The following FAM53B variants were observed in gnomAD, a reference collection of about 807,000 sequenced individuals.
The protein encoded by FAM53B is family with sequence similarity 53 member B.
Under a neutral mutation model 32.7 loss-of-function variants are expected in FAM53B, and 12 were observed. The observed-to-expected ratio is 0.37, with a 90% CI of 0.24 to 0.59. The LOEUF (loss-of-function observed/expected upper bound fraction) is 0.59, where lower values mean the gene tolerates loss of function less well. FAM53B is among the 20% of genes least tolerant of loss of function. FAM53B has a pLI of 0.72. For synonymous variants in FAM53B, 234 were observed against 228.7 expected (o/e 1.02, Z -0.21); for missense variants, 477 against 577.7 (o/e 0.83, Z 1.79).
At chr10:124,702,092 C>T (rs1035640181) in intron 2 of FAM53B, among the ~76,000 whole-genome samples, 4 of 152,182 alleles carry the variant, frequency 2.6e-5, no homozygotes, top group African/African-American at 9.7e-5. Flanking sequence ...GACTTTCCCG[C>T]TCTGTGACTA....
intron 1 of FAM53B, among the ~76,000 whole-genome samples, chr10:124,730,372 A>G (rs1352101805): frequency 6.6e-6 from 1 of 152,238 alleles, no homozygotes; most frequent in Non-Finnish European, 1.5e-5. Flanking sequence ...CAGGCTGCAG[A>G]GGGGCATGGT....
intron 1 of FAM53B, chr10:124,742,590 C>G (rs1159246613): frequency 6.6e-6 from 1 of 152,238 alleles, no homozygotes; most frequent in Non-Finnish European, 1.5e-5. Context: ...ATGTTGTAAG[C>G]AGCACAAGAC....
At chr10:124,626,835 T>C (rs576690298) in intron 4 of FAM53B, among the ~76,000 whole-genome samples, 6 of 152,288 alleles carry the variant, frequency 3.9e-5, no homozygotes, top group Admixed American at 1.3e-4. Flanking sequence ...TCCATCCACA[T>C]GGGCATCACG....
chr10:124,638,408 C>T (rs554479498), intron 4 of FAM53B, among the ~76,000 whole-genome samples: 2 of 150,732 alleles, frequency 1.3e-5, no homozygotes, highest in East Asian at 3.9e-4. Flanking sequence ...ACACTGGGAC[C>T]GGTGCTTCCT....
At chr10:124,627,307 G>A (rs568315466) in intron 4 of FAM53B, among the ~76,000 whole-genome samples, 6 of 152,304 alleles carry the variant, frequency 3.9e-5, no homozygotes, top group African/African-American at 1.2e-4. Flanking sequence ...CCGGGGCAAG[G>A]TCCCGCCCCA....
chr10:124,639,138 C>T (rs778792898), intron 4 of FAM53B, among the ~76,000 whole-genome samples: 6 of 152,192 alleles, frequency 3.9e-5, no homozygotes, highest in Non-Finnish European at 7.4e-5. Flanking sequence ...CCCAATGTGA[C>T]ACCTGACAGG....
At chr10:124,736,581 G>A (rs1014264171) in intron 1 of FAM53B, among the ~76,000 whole-genome samples, 3 of 152,290 alleles carry the variant, frequency 2.0e-5, no homozygotes, top group African/African-American at 7.2e-5. Context: ...GCCAATGCCA[G>A]AGCAAGGGGA....
intron 4 of FAM53B, 195 bp from the exon 5 acceptor site, chr10:124,623,799 T>G (rs1430590472): frequency 2.4e-5 from 14 of 583,782 alleles, no homozygotes; most frequent in Non-Finnish European, 3.9e-5. Flanking sequence ...GAGCGCTCTG[T>G]GCTCATAAAG....
chr10:124,660,070 G>A (rs1292133551), intron 4 of FAM53B, among the ~76,000 whole-genome samples: 1 of 152,228 alleles, frequency 6.6e-6, no homozygotes, highest in African/African-American at 2.4e-5. Context: ...GCCTTCCAAC[G>A]TTCTGGGATT....
chr10:124,671,680 T>A (rs1255746924), intron 4 of FAM53B, among the ~76,000 whole-genome samples: 1 of 152,174 alleles, frequency 6.6e-6, no homozygotes. Flanking sequence ...TGGTGACACA[T>A]TACTGATGTG....
At chr10:124,671,201 G>A (rs112074065) in intron 4 of FAM53B, 21 of 454,102 alleles carry the variant, frequency 4.6e-5, no homozygotes, top group African/African-American at 3.4e-4. Context: ...CTTCCCATTT[G>A]CTGCATTTCC....
At chr10:124,661,866 C>T (rs1366547695) in intron 4 of FAM53B, among the ~76,000 whole-genome samples, 2 of 152,238 alleles carry the variant, frequency 1.3e-5, no homozygotes, top group Admixed American at 6.5e-5. Context: ...ATGGCTCTGA[C>T]GGCTGGCCTA....
chr10:124,720,488 A>G (rs1023557962), intron 1 of FAM53B, among the ~76,000 whole-genome samples: 1 of 152,194 alleles, frequency 6.6e-6, no homozygotes, highest in Non-Finnish European at 1.5e-5. Context: ...AAGTCATAAA[A>G]TGTAAAAACA....
At chr10:124,716,614 G>A (rs1950040019) in intron 1 of FAM53B, among the ~76,000 whole-genome samples, 1 of 152,186 alleles carries the variant, frequency 6.6e-6, no homozygotes, top group African/African-American at 2.4e-5. Flanking sequence ...CTTGTCAAGA[G>A]TCCATTTATC....
intron 2 of FAM53B, chr10:124,703,652 A>C (rs1235042476): frequency 6.5e-6 from 1 of 152,708 alleles, no homozygotes; most frequent in Admixed American, 6.5e-5. Flanking sequence ...TCTCATCTGG[A>C]GCCAAGGGGA....
Position 124,682,322 on chromosome 10 carries a change from C to G in FAM53B, c.191G>C (p.Ser64Thr). 1 of 1,613,670 alleles carries G rather than the reference C, an allele frequency of 6.2e-7. No individual in the cohort carries two copies. Among genetic ancestry groups the G allele is most frequent in the Non-Finnish European group, 8.5e-7 (1 of 1,179,904 alleles). ...RKCPLQIDQP[S>T]TSIWECLPEK... Reference sequence around the variant, plus strand: ...AGGCAGGCATTCCCAGATGCTGGTGCTCGGTTGGTCAATCTGAAGAGGGCA... The same window carrying G: ...AGGCAGGCATTCCCAGATGCTGGTGGTCGGTTGGTCAATCTGAAGAGGGCA... The change falls in exon 4 of 5, where the codon AGC becomes ACC. Residue 64 changes from serine to threonine, a missense_variant. Coordinates refer to ENST00000337318, the MANE Select transcript of FAM53B (RefSeq NM_014661.4). The surrounding 1 kb of genome is among the most constrained non-coding windows in gnomAD (Gnocchi z 5.2).
intron 1 of FAM53B, chr10:124,742,889 T>C (rs999693276): frequency 6.6e-6 from 1 of 151,580 alleles, no homozygotes; most frequent in Admixed American, 6.6e-5. Flanking sequence ...AGACTCGGAG[T>C]GTGGCCTATA....
intron 2 of FAM53B, among the ~76,000 whole-genome samples, chr10:124,700,315 T>C (rs1949906778): frequency 6.6e-6 from 1 of 152,170 alleles, no homozygotes; most frequent in Non-Finnish European, 1.5e-5. Flanking sequence ...TTCCAACACT[T>C]TGAACCTCCT....
chr10:124,728,648 T>C (rs1285534277), intron 1 of FAM53B, among the ~76,000 whole-genome samples: 1 of 152,220 alleles, frequency 6.6e-6, no homozygotes, highest in Non-Finnish European at 1.5e-5. Flanking sequence ...ATGCAAGATA[T>C]AGAAACAAGA....
Sources: allele counts gnomAD v4.1 joint callset (sites outside exome capture counted in the v4.1 genomes callset), GRCh38; gene constraint gnomAD v4.1.1; non-coding constraint Gnocchi (gnomAD v3.1); transcripts MANE v1.5; gene names NCBI Gene and HGNC (gene_info 2026-07-23, HGNC 2026-07-21).